The following SLAIN2 variants were observed in gnomAD, a reference collection of about 807,000 sequenced individuals.
SLAIN2 encodes SLAIN motif-containing protein 2.
Under a neutral mutation model 56.6 loss-of-function variants are expected in SLAIN2, and 31 were observed. The observed-to-expected ratio is 0.55, with a 90% CI of 0.41 to 0.74. SLAIN2 has a LOEUF of 0.74. Ranked by LOEUF, SLAIN2 falls within the 30% of genes least tolerant of loss-of-function variation. The pLI is 0.00. For missense variants in SLAIN2, 777 were observed against 754.2 expected (o/e 1.03, Z -0.35); for synonymous variants, 317 against 284.9 (o/e 1.11, Z -1.13).
rs570742528 is a variant in SLAIN2 at position 48,425,738 on chromosome 4, A to C, written c.*3661A>C. On this transcript the variant is annotated 3_prime_UTR_variant, in exon 8 of 8. Transcript: ENST00000264313. Reference sequence around the variant, plus strand: ...TTTAAACCTGTTATATACTCAGTGCAACAGAAAAACCCATATGGAGGTTCA... The same window carrying C: ...TTTAAACCTGTTATATACTCAGTGCCACAGAAAAACCCATATGGAGGTTCA... 47 of 152,306 alleles carry C rather than the reference A, an allele frequency of 3.1e-4. No homozygotes were observed. The highest frequency in any genetic ancestry group is 1.1e-3 in the African/African-American group (47 of 41,586). The allele number at this position is 152,306 out of a possible 1,614,324, so 9.4% of individuals were successfully genotyped here. A position where few individuals can be genotyped will look rare whatever the true frequency, so the allele number is the denominator to read the frequency against.
At chr4:48,397,113 T>C (rs927281639) in intron 6 of SLAIN2, among the ~76,000 whole-genome samples, 2 of 152,196 alleles carry the variant, frequency 1.3e-5, no homozygotes, top group Non-Finnish European at 2.9e-5. Context: ...TGTTGGGCAC[T>C]GAGTGAAGTG....
At chr4:48,357,148 T>C (rs1296728149) in intron 1 of SLAIN2, among the ~76,000 whole-genome samples, 6 of 151,338 alleles carry the variant, frequency 4.0e-5, no homozygotes, top group Non-Finnish European at 8.8e-5. Context: ...TAGTATTATA[T>C]ATCTTTTAGT....
In SLAIN2 at chr4:48,376,902, C is replaced by T. The variant is rs563302491; in HGVS notation, c.539-994C>T. Among the ~76,000 whole-genome samples the T allele has an allele frequency of 3.8e-3, 546 of 143,122 alleles. 4 individuals carry two copies. The highest frequency in any genetic ancestry group is 0.013 in the African/African-American group (500 of 39,074). 93.9% of individuals were successfully genotyped at this position (143,122 alleles called of 152,430 possible). ...CTGGGATTACAAGCGTGAGCCACCG[C>T]GCCCGGCCGACTTTTTTTTTTTTTT... is the stretch of plus-strand genomic sequence containing the variant. On this transcript the variant is annotated intron_variant, in intron 2 of 7. Transcript: ENST00000264313.
At chr4:48,402,082 G>A (rs1247928123) in intron 6 of SLAIN2, among the ~76,000 whole-genome samples, 1 of 152,096 alleles carries the variant, frequency 6.6e-6, no homozygotes, top group East Asian at 1.9e-4. Flanking sequence ...CTTAAGGAAT[G>A]TTGAATGTTG....
At chr4:48,412,001 G>T (rs1716859090) in intron 6 of SLAIN2, among the ~76,000 whole-genome samples, 1 of 141,642 alleles carries the variant, frequency 7.1e-6, no homozygotes, top group African/African-American at 2.6e-5. Context: ...ATGTTTTTAT[G>T]GAGAGAGTTG....
chr4:48,387,295 T>TTA (rs1716125631), intron 6 of SLAIN2: 1 of 152,198 alleles, frequency 6.6e-6, no homozygotes, highest in South Asian at 2.1e-4. Context: ...ATTGCTTGCC[T>TTA]TCTCTAGTGG....
In SLAIN2 at chr4:48,401,690, G is replaced by T. The variant is rs369298888; in HGVS notation, c.1360+17906G>T. On this transcript the variant is annotated intron_variant, in intron 6 of 7. Transcript: ENST00000264313. ...TGTGTCTTTGCATGTGAGATGGGTC[G>T]CTTGAAGACAGCATGGGTCTTGACT... Among the ~76,000 whole-genome samples the T allele has an allele frequency of 2.0e-5, 3 of 152,058 alleles. No individual in the cohort carries two copies. The East Asian group carries it at 5.8e-4, about 29-fold the overall frequency.
chr4:48,344,291 G>A (rs1714804177), intron 1 of SLAIN2, among the ~76,000 whole-genome samples: 1 of 152,262 alleles, frequency 6.6e-6, no homozygotes, highest in Non-Finnish European at 1.5e-5. Flanking sequence ...AAAGTTGTAG[G>A]GGATGGATGT....
At chr4:48,406,281 C>T (rs775093081) in intron 6 of SLAIN2, among the ~76,000 whole-genome samples, 2 of 151,988 alleles carry the variant, frequency 1.3e-5, no homozygotes, top group African/African-American at 4.8e-5. Context: ...AGCTAGGAAA[C>T]GTGTAGGTTT....
chr4:48,408,478 T>A (rs149200677), intron 6 of SLAIN2, among the ~76,000 whole-genome samples: 51 of 142,646 alleles, frequency 3.6e-4, no homozygotes, highest in African/African-American at 1.2e-3. Context: ...ATATTGATGA[T>A]CCTAACCCTG....
intron 6 of SLAIN2, chr4:48,394,721 C>A: frequency 2.3e-6 from 3 of 1,283,184 alleles, no homozygotes; most frequent in Non-Finnish European, 3.2e-6. Context: ...AGCCATTTGG[C>A]ATACTGAGTC....
chr4:48,342,947 G>C (rs1217571338), intron 1 of SLAIN2, among the ~76,000 whole-genome samples: 1 of 151,812 alleles, frequency 6.6e-6, no homozygotes, highest in Non-Finnish European at 1.5e-5. Flanking sequence ...TGAAATTGTG[G>C]CCCCCCCACC....
chr4:48,344,221 G>A (rs1400753026), intron 1 of SLAIN2, among the ~76,000 whole-genome samples: 2 of 152,168 alleles, frequency 1.3e-5, no homozygotes. Flanking sequence ...TGAGATTTGT[G>A]TGAACTGAAA....
intron 6 of SLAIN2, among the ~76,000 whole-genome samples, chr4:48,416,522 T>G (rs1432427040): frequency 6.9e-6 from 1 of 145,454 alleles, no homozygotes; most frequent in Non-Finnish European, 1.5e-5. Context: ...ACAATTTGAC[T>G]TCCTCTTTTC....
At chr4:48,346,813 A>T (rs979741386) in intron 1 of SLAIN2, among the ~76,000 whole-genome samples, 1 of 147,898 alleles carries the variant, frequency 6.8e-6, no homozygotes, top group African/African-American at 2.6e-5. Context: ...GAAGTTAGAC[A>T]TCTAATAAGC....
At chr4:48,406,765 TTGA>T (rs1716709080) in intron 6 of SLAIN2, among the ~76,000 whole-genome samples, 1 of 152,248 alleles carries the variant, frequency 6.6e-6, no homozygotes, top group Non-Finnish European at 1.5e-5. Context: ...TTTTTGCATG[TTGA>T]TGATAACTTA....
chr4:48,410,295 A>G (rs748989864), intron 6 of SLAIN2, among the ~76,000 whole-genome samples: 8 of 147,292 alleles, frequency 5.4e-5, no homozygotes, highest in Non-Finnish European at 1.2e-4. Flanking sequence ...TTTTTTTTTA[A>G]TTGAGTAGTC....
intron 6 of SLAIN2, among the ~76,000 whole-genome samples, chr4:48,390,679 GTTACA>G (rs1716217994): frequency 1.3e-5 from 2 of 152,082 alleles, no homozygotes; most frequent in Non-Finnish European, 2.9e-5. Context: ...ATAATTTGAA[GTTACA>G]TTGATCATTT....
At chr4:48,390,136 G>A (rs1374435208) in intron 6 of SLAIN2, among the ~76,000 whole-genome samples, 3 of 147,896 alleles carry the variant, frequency 2.0e-5, no homozygotes, top group African/African-American at 7.5e-5. Flanking sequence ...CGGCGGTGGC[G>A]TGATCACAGC....
Sources: gnomAD v4.1 joint callset for allele counts (sites outside exome capture counted in the v4.1 genomes callset) on GRCh38, gnomAD v4.1.1 for gene constraint, MANE v1.5 for transcripts, NCBI Gene and HGNC (gene_info 2026-07-23, HGNC 2026-07-21) for gene names.